Variants in GRID1 observed in about 807,000 individuals in gnomAD.
GRID1 encodes the protein glutamate receptor ionotropic, delta-1.
A neutral mutation model predicts 98.0 loss-of-function variants in GRID1; 28 were observed. That is an observed-to-expected ratio of 0.29 (90% CI 0.21 to 0.39). The LOEUF is 0.39. GRID1 is among the 10% of genes least tolerant of loss of function. The pLI is 1.00. For missense variants in GRID1, 1,111 were observed against 1,340.5 expected (o/e 0.83, Z 2.67); for synonymous variants, 553 against 538.5 (o/e 1.03, Z -0.37).
intron 12 of GRID1, among the ~76,000 whole-genome samples, chr10:85,721,509 A>G (rs147920117): frequency 1.3e-5 from 2 of 152,392 alleles, no homozygotes; most frequent in East Asian, 1.9e-4. Context: ...CATATGTGGT[A>G]TATGTGATAT....
chr10:85,742,362 T>C (rs2132674483), intron 8 of GRID1, among the ~76,000 whole-genome samples: 1 of 152,310 alleles, frequency 6.6e-6, no homozygotes, highest in East Asian at 1.9e-4. Context: ...TAGTAGACTT[T>C]ACTTAGAAAT....
intron 8 of GRID1, among the ~76,000 whole-genome samples, chr10:85,799,504 G>A (rs932417206): frequency 1.3e-5 from 2 of 152,018 alleles, no homozygotes; most frequent in African/African-American, 4.8e-5. Context: ...TTTAAAATGT[G>A]TTATACATAC....
At chr10:86,227,494 C>A (rs1846373004) in intron 2 of GRID1, among the ~76,000 whole-genome samples, 1 of 152,354 alleles carries the variant, frequency 6.6e-6, no homozygotes, top group East Asian at 1.9e-4. Context: ...AAACCCACAC[C>A]TGCTTAAGAC....
chr10:85,869,029 C>T lies in GRID1; in HGVS notation c.932G>A (p.Gly311Asp). The change falls in exon 6 of 16, where the codon GGC becomes GAC. Residue 311 changes from glycine (G) to aspartate (D), a missense_variant. Physicochemically the swap from Gly to Asp is moderately conservative, Grantham distance 94 (BLOSUM62 -1). Coordinates refer to ENST00000327946, the MANE Select transcript of GRID1 (RefSeq NM_017551.3). ...ISSLLCDPQE[G>D]YLQMLQISNL... ...ACTGACCTGCAGCATCTGGAGGTAG[C>T]CTTCCTGGGGGTCGCAGAGCAGGGA... The T allele has an allele frequency of 1.2e-6, 2 of 1,613,824 alleles. No individual in the cohort carries two copies. Among genetic ancestry groups the T allele is most frequent in the Non-Finnish European group, 8.5e-7 (1 of 1,179,932 alleles).
chr10:86,039,713 G>A (rs1032618748), intron 4 of GRID1, among the ~76,000 whole-genome samples: 4 of 152,292 alleles, frequency 2.6e-5, no homozygotes, highest in Non-Finnish European at 4.4e-5. Context: ...CTGTCTCAAC[G>A]CGTAGGTCCT....
At chr10:86,249,647 A>G (rs1232402410) in intron 2 of GRID1, among the ~76,000 whole-genome samples, 2 of 151,146 alleles carry the variant, frequency 1.3e-5, no homozygotes, top group Admixed American at 6.6e-5. Context: ...TAGCTGTTTC[A>G]GGCCTCTATG....
intron 15 of GRID1, among the ~76,000 whole-genome samples, chr10:85,609,404 A>G (rs984399178): frequency 3.3e-5 from 5 of 152,200 alleles, no homozygotes; most frequent in African/African-American, 1.2e-4. Context: ...TTCACTTTAT[A>G]TGCCTTCCCT....
chr10:85,724,505 T>G lies in GRID1; in HGVS notation c.1705A>C (p.Ile569Leu). 1 of 1,614,130 alleles carries G rather than the reference T, an allele frequency of 6.2e-7. No homozygotes were observed. Among genetic ancestry groups the G allele is most frequent in the Non-Finnish European group, 8.5e-7 (1 of 1,180,010 alleles). ...APFDFAVWAC[I>L]AAAIPVVGVL... The stretch of plus-strand genomic sequence containing the variant: ...CCAACCACAGGGATGGCTGCTGCAA[T>G]GCAGGCCCACACAGCGAAATCAAAT... Residue 569 changes from isoleucine (I) to leucine (L), a missense_variant, in exon 11 of 16, where the codon ATT becomes CTT. Around this residue, in one of 3 missense-constraint regions of GRID1, gnomAD observed 762 missense variants for 869.1 expected, o/e 0.88. Coordinates refer to ENST00000327946, the MANE Select transcript of GRID1 (RefSeq NM_017551.3).
At chr10:85,996,826 T>C (rs1405204057) in intron 4 of GRID1, among the ~76,000 whole-genome samples, 3 of 120,124 alleles carry the variant, frequency 2.5e-5, no homozygotes, top group African/African-American at 6.4e-5. Context: ...CGAAACTCCA[T>C]CTCAAAAAAA....
chr10:86,090,278 A>G (rs1464447382), intron 4 of GRID1, among the ~76,000 whole-genome samples: 3 of 151,528 alleles, frequency 2.0e-5, no homozygotes, highest in African/African-American at 7.3e-5. Flanking sequence ...AAAAAAAAAA[A>G]TAGTGGGCAT....
chr10:85,959,584 AG>A (rs376562410), intron 4 of GRID1, among the ~76,000 whole-genome samples: 17 of 145,030 alleles, frequency 1.2e-4, no homozygotes, highest in African/African-American at 4.4e-4. Flanking sequence ...GCTCAAGATC[AG>A]ATTCACTTTT....
intron 2 of GRID1, among the ~76,000 whole-genome samples, chr10:86,245,965 A>G (rs1250374665): frequency 6.6e-6 from 1 of 152,218 alleles, no homozygotes; most frequent in Non-Finnish European, 1.5e-5. Flanking sequence ...GTGTGCACGC[A>G]TACTCCCAAA....
intron 2 of GRID1, among the ~76,000 whole-genome samples, chr10:86,291,877 G>T (rs150350117): frequency 6.6e-6 from 1 of 152,212 alleles, no homozygotes; most frequent in Non-Finnish European, 1.5e-5. Flanking sequence ...GGCCCTGATC[G>T]AGGGGTTATC....
chr10:86,021,333 A>G (rs1040799604), intron 4 of GRID1, among the ~76,000 whole-genome samples: 2 of 152,136 alleles, frequency 1.3e-5, no homozygotes, highest in African/African-American at 4.8e-5. Context: ...TAATGTGCTC[A>G]ACAATGCTGT....
intron 4 of GRID1, among the ~76,000 whole-genome samples, chr10:86,125,676 C>T (rs1844741715): frequency 1.3e-5 from 2 of 152,128 alleles, no homozygotes; most frequent in South Asian, 2.1e-4. Context: ...CCTTCCTCCC[C>T]TTATCCCTCC....
chr10:86,214,542 T>C (rs1846149325), intron 2 of GRID1, among the ~76,000 whole-genome samples: 1 of 152,280 alleles, frequency 6.6e-6, no homozygotes, highest in South Asian at 2.1e-4. Flanking sequence ...CCCGCCCCCC[T>C]GACCCCCAGC....
chr10:86,155,254 C>T (rs2131982735), intron 3 of GRID1, among the ~76,000 whole-genome samples: 1 of 152,378 alleles, frequency 6.6e-6, no homozygotes, highest in Admixed American at 6.5e-5. Context: ...CCCCTGCCTG[C>T]AGCCAATAGC....
At chr10:86,105,935 A>G (rs1844378922) in intron 4 of GRID1, among the ~76,000 whole-genome samples, 3 of 152,140 alleles carry the variant, frequency 2.0e-5, no homozygotes, top group Admixed American at 2.0e-4. Flanking sequence ...CAAGGGGGAC[A>G]AGAGGATGGG....
In GRID1 at chr10:85,845,093, C is replaced by G. The variant is rs368312895; in HGVS notation, c.1233+9403G>C. Among the ~76,000 whole-genome samples the G allele has an allele frequency of 5.3e-5, 8 of 151,128 alleles. No individual in the cohort carries two copies. The East Asian group carries it at 1.5e-3, about 29-fold the overall frequency. On this transcript the variant is annotated intron_variant, in intron 8 of 15. Transcript: ENST00000327946. ...CTTGAACTAAAGACCCTAACTAATG[C>G]AACAAGACAGGAGAAAGAAATAAAA...
Sources: allele counts gnomAD v4.1 joint callset (sites outside exome capture counted in the v4.1 genomes callset), GRCh38; gene constraint gnomAD v4.1.1; regional missense constraint gnomAD v4.1.1; transcripts MANE v1.5; gene names NCBI Gene and HGNC (gene_info 2026-07-23, HGNC 2026-07-21).